PCDHA3: variants seen among roughly 807,000 people sequenced by gnomAD.
The protein encoded by PCDHA3 is protocadherin alpha-3.
A neutral mutation model predicts 62.2 loss-of-function variants in PCDHA3; 41 were observed. The observed-to-expected ratio is 0.66, with a 90% CI of 0.51 to 0.86. The LOEUF is 0.86. PCDHA3 is among the 40% of genes least tolerant of loss of function. The pLI is 0.00. For synonymous variants in PCDHA3, 640 were observed against 555.4 expected, an observed-to-expected ratio of 1.15 and a Z score of -2.14; for missense variants, 1,304 against 1,241.2, an observed-to-expected ratio of 1.05 and a Z score of -0.76.
chr5:141,009,491 C>G, intron 3 of PCDHA3, 136 bp from the exon 4 acceptor site: 1 of 1,475,722 alleles, frequency 6.8e-7, no homozygotes, highest in Non-Finnish European at 9.0e-7. Flanking sequence ...GCCTTGCCCT[C>G]AGACTTGAAC....
intron 1 of PCDHA3, chr5:140,861,590 GA>G: frequency 2.7e-6 from 1 of 372,284 alleles, no homozygotes; most frequent in South Asian, 2.5e-5. Flanking sequence ...ATGTGGAGGT[GA>G]AAGTGAAGAA....
At chr5:140,865,590 T>G (rs1353926761) in intron 1 of PCDHA3, 3 of 152,234 alleles carry the variant, frequency 2.0e-5, no homozygotes, top group Non-Finnish European at 4.4e-5. Flanking sequence ...AAATCACCAT[T>G]GTTTGAGCAG....
At position 140,875,798 on chromosome 5, in the gene PCDHA3, T is replaced by C. The variant is rs377753022; in HGVS notation, c.2394+72207T>C. On this transcript the variant is annotated intron_variant, in intron 1 of 3. Coordinates refer to ENST00000522353, the MANE Select transcript of PCDHA3 (RefSeq NM_018906.3). ...GAGTGCAGTATCCACCTGGAGGTGATCGTGGACAGGCCGCTGCAGGTTTTC... is the reference window on the plus strand; with the variant it reads ...GAGTGCAGTATCCACCTGGAGGTGACCGTGGACAGGCCGCTGCAGGTTTTC... 1.5e-5 allele frequency: 24 copies of C among 1,614,138 alleles called. No individual in the cohort carries two copies. In the African/African-American group the frequency reaches 3.1e-4, roughly 21 times the overall value.
Position 140,841,649 on chromosome 5 carries a change from G to C in PCDHA3, c.2394+38058G>C, listed in dbSNP as rs2150320047. On this transcript the variant is annotated intron_variant, in intron 1 of 3. Transcript: ENST00000522353. ...GTGCAGCATCCACCTGGAGGTGATC[G>C]TGGACAGGCCGCTGCAGGTTTTCCA... 3.1e-6 allele frequency: 5 copies of C among 1,614,050 alleles called. No homozygotes were observed. The South Asian group carries it at 4.4e-5, about 14-fold the overall frequency.
Position 140,884,409 on chromosome 5 carries a change from C to G in PCDHA3, c.2394+80818C>G, listed in dbSNP as rs373513056. The G allele has an allele frequency of 2.7e-5, 43 of 1,613,874 alleles. No individual in the cohort carries two copies. The highest frequency in any genetic ancestry group is 4.0e-5 in the African/African-American group (3 of 74,930). On this transcript the variant is annotated intron_variant, in intron 1 of 3. Coordinates refer to ENST00000522353, the MANE Select transcript of PCDHA3 (RefSeq NM_018906.3). ...GCGGTGTCCAGCCTGTTGGTGCTCA[C>G]GTTGCTGCTGTATACTGCGCTGCGG...
At chr5:140,842,000 C>G in intron 1 of PCDHA3, 1 of 1,613,786 alleles carries the variant, frequency 6.2e-7, no homozygotes, top group Non-Finnish European at 8.5e-7. Context: ...AGGCACTGTT[C>G]AGCTGCTGGT....
At chr5:140,811,070 A>G (rs1554125659) in intron 1 of PCDHA3, 1 of 152,168 alleles carries the variant, frequency 6.6e-6, no homozygotes, top group Admixed American at 6.5e-5. Context: ...GGTTTGTTAC[A>G]TAGGTATACA....
intron 3 of PCDHA3, among the ~76,000 whole-genome samples, chr5:140,998,139 G>C (rs1354714500): frequency 2.0e-5 from 3 of 152,176 alleles, no homozygotes; most frequent in Non-Finnish European, 4.4e-5. Flanking sequence ...TAGCTAACCT[G>C]TACTGAACAG....
rs1389969210 is a variant in PCDHA3, at chr5:140,877,650, G to T, written c.2394+74059G>T. The T allele has an allele frequency of 3.1e-6, 5 of 1,613,390 alleles. No individual in the cohort carries two copies. The African/African-American group carries it at 6.7e-5, about 22-fold the overall frequency. ...ACACTGCGCTGCGTTGCTCAGCGCC[G>T]CCCACCGTGAGCCGGTGCGCGCCGG... On this transcript the variant is annotated intron_variant, in intron 1 of 3. Coordinates refer to ENST00000522353, the MANE Select transcript of PCDHA3 (RefSeq NM_018906.3).
chr5:140,934,833 G>C (rs1584817572), intron 1 of PCDHA3, among the ~76,000 whole-genome samples: 1 of 152,100 alleles, frequency 6.6e-6, no homozygotes, highest in Admixed American at 6.5e-5. Context: ...GGCAAGTTGG[G>C]AACTGTTCAG....
rs2150262609 is a variant in PCDHA3, at chr5:140,836,508, A to T, written c.2394+32917A>T. 6 of 1,613,710 alleles carry T rather than the reference A, an allele frequency of 3.7e-6. No individual in the cohort carries two copies. The African/African-American group carries it at 8.0e-5, about 22-fold the overall frequency. On this transcript the variant is annotated intron_variant, in intron 1 of 3. Transcript: ENST00000522353. ...GATCATCGCCATCTGCGCGGTGTCC[A>T]GTCTGTTGGTGCTTACCCTGCTGCT...
At chr5:140,870,806 A>AGAGT in intron 1 of PCDHA3, 1 of 1,613,688 alleles carries the variant, frequency 6.2e-7, no homozygotes, top group Non-Finnish European at 8.5e-7. Flanking sequence ...CTGGCGACTC[A>AGAGT]GGCTGGCAGC....
At chr5:140,969,374 G>A (rs1554231740) in intron 1 of PCDHA3, 1 of 1,606,076 alleles carries the variant, frequency 6.2e-7, no homozygotes, top group South Asian at 1.1e-5. Flanking sequence ...TCATGCATTT[G>A]TTACACATCC....
chr5:140,918,153 C>A (rs1554198452), intron 1 of PCDHA3, among the ~76,000 whole-genome samples: 2 of 152,036 alleles, frequency 1.3e-5, no homozygotes, highest in African/African-American at 2.4e-5. Flanking sequence ...TTGTGTATGT[C>A]TATTGTAAAT....
At chr5:140,835,832 C>T in intron 1 of PCDHA3, 1 of 1,612,382 alleles carries the variant, frequency 6.2e-7, no homozygotes, top group Non-Finnish European at 8.5e-7. Flanking sequence ...GGGACGCGGA[C>T]GCGCAGAAGA....
intron 1 of PCDHA3, among the ~76,000 whole-genome samples, chr5:140,913,735 G>A (rs1416656981): frequency 6.6e-6 from 1 of 151,834 alleles, no homozygotes; most frequent in Non-Finnish European, 1.5e-5. Context: ...CCCTCTAATA[G>A]TACTCCTTTT....
intron 1 of PCDHA3, chr5:140,851,839 C>A (rs1452848183): frequency 2.1e-6 from 2 of 969,740 alleles, no homozygotes; most frequent in East Asian, 1.1e-4. Context: ...TTAAAAATAT[C>A]TTTTTCTCCT....
rs200196783 is a variant in PCDHA3 at position 140,849,807 on chromosome 5, A to C, written c.2394+46216A>C. On this transcript the variant is annotated intron_variant, in intron 1 of 3. Transcript: ENST00000522353. The stretch of plus-strand genomic sequence containing the variant: ...CGGGGGCTCGCCTTCACTGTGGGCC[A>C]CGGCCAGGGTGTCTGTGGAGGTGGC... 5.4e-5 allele frequency: 86 copies of C among 1,598,400 alleles called. 9 individuals are homozygous for C. The highest frequency in any genetic ancestry group is 6.8e-5 in the Non-Finnish European group (80 of 1,167,954).
intron 1 of PCDHA3, among the ~76,000 whole-genome samples, chr5:140,941,241 TTCTTTCTTTCTTTC>T (rs1247398838): frequency 5.8e-4 from 81 of 140,456 alleles, no homozygotes; most frequent in African/African-American, 2.0e-3. Flanking sequence ...CTTTCTTTCT[TTCTTTCTTTCTTTC>T]TCTTTCTTTC....
Sources: gnomAD v4.1 joint callset for allele counts (sites outside exome capture counted in the v4.1 genomes callset) on GRCh38, gnomAD v4.1.1 for gene constraint, MANE v1.5 for transcripts, NCBI Gene and HGNC (gene_info 2026-07-23, HGNC 2026-07-21) for gene names.